Variants in ROBO1 observed in about 807,000 individuals in gnomAD.
ROBO1 encodes roundabout guidance receptor 1, also known as roundabout homolog 1.
ROBO1 carries 149 observed loss-of-function variants against 195.9 expected under a neutral mutation model. The ratio of observed to expected loss-of-function variants is 0.76; its 90% confidence interval spans 0.67 to 0.87. The LOEUF (loss-of-function observed/expected upper bound fraction) is 0.87, where lower values mean the gene tolerates loss of function less well. Ranked by LOEUF, ROBO1 falls within the 40% of genes least tolerant of loss-of-function variation. The pLI, the probability that ROBO1 is intolerant of heterozygous loss-of-function variation, is 0.00. For synonymous variants in ROBO1, 816 were observed against 733.2 expected, an observed-to-expected ratio of 1.11 and a Z score of -1.82; for missense variants, 1,933 against 2,068.3, an observed-to-expected ratio of 0.93 and a Z score of 1.27.
chr3:79,150,682 A>G (rs1426510764), intron 2 of ROBO1, among the ~76,000 whole-genome samples: 1 of 151,874 alleles, frequency 6.6e-6, no homozygotes, highest in Admixed American at 6.6e-5. Context: ...AAAGTAAAGT[A>G]TAAATATTTG....
At chr3:79,664,402 T>C (rs939764077) in intron 1 of ROBO1, among the ~76,000 whole-genome samples, 6 of 152,062 alleles carry the variant, frequency 3.9e-5, no homozygotes, top group Admixed American at 6.6e-5. Context: ...TAGCCTGTTA[T>C]CACCACCATT....
chr3:79,632,740 C>A (rs1167612404), intron 1 of ROBO1, among the ~76,000 whole-genome samples: 1 of 151,928 alleles, frequency 6.6e-6, no homozygotes, highest in Non-Finnish European at 1.5e-5. Context: ...TCTACTTCAG[C>A]AAGACACAAA....
chr3:78,911,907 T>C (rs984966057), intron 4 of ROBO1, among the ~76,000 whole-genome samples: 1 of 152,062 alleles, frequency 6.6e-6, no homozygotes, highest in Non-Finnish European at 1.5e-5. Flanking sequence ...TTGATTCCAA[T>C]ACATGTCCAG....
chr3:78,616,003 C>A (rs543094072), intron 27 of ROBO1, among the ~76,000 whole-genome samples: 1 of 152,270 alleles, frequency 6.6e-6, no homozygotes, highest in Non-Finnish European at 1.5e-5. Context: ...AAACCAACCT[C>A]TCTTTAGCTA....
intron 10 of ROBO1, among the ~76,000 whole-genome samples, chr3:78,680,983 C>G (rs1350995266): frequency 2.0e-5 from 3 of 151,578 alleles, no homozygotes; most frequent in South Asian, 2.1e-4. Flanking sequence ...CACATACACA[C>G]CATGGAATAC....
intron 2 of ROBO1, among the ~76,000 whole-genome samples, chr3:79,239,190 A>G (rs2082467963): frequency 6.6e-6 from 1 of 152,196 alleles, no homozygotes; most frequent in African/African-American, 2.4e-5. Context: ...AACAACAAAT[A>G]ACGGCTAAGA....
intron 2 of ROBO1, among the ~76,000 whole-genome samples, chr3:79,359,311 A>G (rs2109298482): frequency 6.6e-6 from 1 of 152,020 alleles, no homozygotes; most frequent in East Asian, 1.9e-4. Flanking sequence ...TGAAAAAAAA[A>G]GCCTTTCTAC....
intron 3 of ROBO1, among the ~76,000 whole-genome samples, chr3:79,052,517 C>T (rs1053303781): frequency 2.6e-5 from 4 of 151,966 alleles, no homozygotes; most frequent in African/African-American, 9.7e-5. Flanking sequence ...CTCTGTGACC[C>T]ACTCCCTATT....
intron 3 of ROBO1, among the ~76,000 whole-genome samples, chr3:79,076,945 C>A (rs2079184387): frequency 6.6e-6 from 1 of 151,780 alleles, no homozygotes; most frequent in African/African-American, 2.4e-5. Flanking sequence ...CACTATAAGG[C>A]ATGTAGTGAA....
At chr3:79,383,404 C>A (rs1575753978) in intron 2 of ROBO1, among the ~76,000 whole-genome samples, 1 of 151,790 alleles carries the variant, frequency 6.6e-6, no homozygotes, top group African/African-American at 2.4e-5. Flanking sequence ...GTTTGATCAA[C>A]AATTTTTTCT....
chr3:79,019,382 C>G, intron 3 of ROBO1: 2 of 985,902 alleles, frequency 2.0e-6, no homozygotes, highest in Non-Finnish European at 2.4e-6. Context: ...AGACGGCCGC[C>G]GCGGCTCACC....
At chr3:79,021,907 G>A (rs1423565636) in intron 3 of ROBO1, among the ~76,000 whole-genome samples, 3 of 152,218 alleles carry the variant, frequency 2.0e-5, no homozygotes, top group Middle Eastern at 3.4e-3. Context: ...TGATGCACCC[G>A]CCTTGGCCTC....
At chr3:79,024,049 A>G (rs1354556681) in intron 3 of ROBO1, among the ~76,000 whole-genome samples, 1 of 152,084 alleles carries the variant, frequency 6.6e-6, no homozygotes, top group African/African-American at 2.4e-5. Context: ...AAGATACTGT[A>G]AAGGACCATC....
intron 5 of ROBO1, among the ~76,000 whole-genome samples, chr3:78,732,502 AGAAGAAT>A (rs1473148884): frequency 2.6e-5 from 4 of 152,168 alleles, no homozygotes; most frequent in African/African-American, 9.6e-5. Context: ...ATTTCTATGA[AGAAGAAT>A]GCCTCTTCTC....
intron 3 of ROBO1, among the ~76,000 whole-genome samples, chr3:79,074,336 T>A (rs190242789): frequency 6.6e-6 from 1 of 152,090 alleles, no homozygotes; most frequent in African/African-American, 2.4e-5. Context: ...AATAGAGAAG[T>A]TTATTTTATA....
intron 2 of ROBO1, among the ~76,000 whole-genome samples, chr3:79,174,237 G>C (rs559683916): frequency 2.0e-5 from 3 of 151,866 alleles, no homozygotes; most frequent in African/African-American, 7.3e-5. Context: ...CACTCACTGC[G>C]AAGGTCTGCA....
At chr3:79,718,917 T>C (rs923059406) in intron 1 of ROBO1, among the ~76,000 whole-genome samples, 2 of 152,028 alleles carry the variant, frequency 1.3e-5, no homozygotes, top group Non-Finnish European at 2.9e-5. Flanking sequence ...TATACATTAG[T>C]TTTGTATTGG....
At chr3:79,184,975 TC>T (rs1329317486) in intron 2 of ROBO1, among the ~76,000 whole-genome samples, 2 of 152,128 alleles carry the variant, frequency 1.3e-5, no homozygotes, top group Non-Finnish European at 2.9e-5. Flanking sequence ...GCCAGACTCT[TC>T]CATGTCCACA....
intron 2 of ROBO1, among the ~76,000 whole-genome samples, chr3:79,270,421 T>G (rs1016497228): frequency 6.6e-6 from 1 of 150,782 alleles, no homozygotes; most frequent in African/African-American, 2.4e-5. Context: ...ATTTTAACGT[T>G]AAGACAAATG....
Sources: gnomAD v4.1 joint callset for allele counts (sites outside exome capture counted in the v4.1 genomes callset) on GRCh38, gnomAD v4.1.1 for gene constraint, MANE v1.5 for transcripts, NCBI Gene and HGNC (gene_info 2026-07-23, HGNC 2026-07-21) for gene names.